Variants in C6 observed in about 807,000 individuals in gnomAD.
The protein encoded by C6 is complement C6, also known as complement component C6.
Under a neutral mutation model 112.9 loss-of-function variants are expected in C6, and 101 were observed. The ratio of observed to expected loss-of-function variants is 0.89; its 90% CI spans 0.76 to 1.06. The LOEUF is 1.06. Ranked by LOEUF, C6 falls within the 50% of genes least tolerant of loss-of-function variation. The pLI is 0.00. For missense variants in C6, 1,202 were observed against 1,104.6 expected, an observed-to-expected ratio of 1.09 and a Z score of -1.25; for synonymous variants, 431 against 384.1, an observed-to-expected ratio of 1.12 and a Z score of -1.43.
At position 41,176,508 on chromosome 5, in the gene C6, A is replaced by G. The variant is rs1748860047; in HGVS notation, c.1135T>C (p.Tyr379His). The G allele has an allele frequency of 1.9e-6, 3 of 1,613,692 alleles. No individual in the cohort carries two copies. Among genetic ancestry groups the G allele is most frequent in the African/African-American group, 1.3e-5 (1 of 74,920 alleles). Residue 379 changes from tyrosine to histidine, a missense_variant, in exon 8 of 18, where the codon TAT becomes CAT. By Grantham distance (83) the Tyr-to-His change is moderately conservative (BLOSUM62 2). Transcript: ENST00000337836. ...TTTAGTTCCTCACTGCTAAACTGAT[A>G]GAGAAGGTCATACACGCCTCCCAGG... ...GSLGGVYDLLYQFSSEELKNS... is the reference protein window; with the variant it reads ...GSLGGVYDLLHQFSSEELKNS...
At chr5:41,232,704 CTT>C in intron 1 of C6, among the ~76,000 whole-genome samples, 1 of 152,174 alleles carries the variant, frequency 6.6e-6, no homozygotes, top group Admixed American at 6.5e-5. Flanking sequence ...ATTACCCTCT[CTT>C]GATTAATTCC....
chr5:41,231,571 A>G (rs1739902198), intron 1 of C6, among the ~76,000 whole-genome samples: 1 of 152,008 alleles, frequency 6.6e-6, no homozygotes, highest in Non-Finnish European at 1.5e-5. Flanking sequence ...ACAACCATCT[A>G]GTTTGTTTTT....
Position 41,149,367 on chromosome 5 carries a change from G to A in C6, c.2497C>T (p.His833Tyr), listed in dbSNP as rs748527430. Residue 833 changes from histidine (H) to tyrosine (Y), a missense_variant, in exon 17 of 18, where the codon CAT (histidine) becomes TAT (tyrosine). His to Tyr is a moderately conservative substitution (Grantham distance 83). Transcript: ENST00000337836. ...CGGCCGTCTTGGCAGGAACCAATAT[G>A]TAGAAAATGGAGTTGCTGATTATTT... ...CLNNQQLHFLHIGSCQDGRQL... is the reference protein window; with the variant it reads ...CLNNQQLHFLYIGSCQDGRQL... The A allele has an allele frequency of 6.2e-7, 1 of 1,614,104 alleles. No homozygotes were observed. The highest frequency in any genetic ancestry group is 1.1e-5 in the South Asian group (1 of 91,080).
chr5:41,259,340 C>A (rs952412354), intron 1 of C6, among the ~76,000 whole-genome samples: 1 of 152,012 alleles, frequency 6.6e-6, no homozygotes, highest in Non-Finnish European at 1.5e-5. Context: ...ACTTTGCATT[C>A]CTTGGTGAAT....
chr5:41,179,093 A>G (rs1435871062), intron 7 of C6, among the ~76,000 whole-genome samples: 2 of 152,000 alleles, frequency 1.3e-5, no homozygotes, highest in African/African-American at 4.8e-5. Context: ...AGCTCAGGCA[A>G]TCTGCCCACC....
intron 1 of C6, among the ~76,000 whole-genome samples, chr5:41,227,457 G>A (rs1739592768): frequency 6.6e-6 from 1 of 151,960 alleles, no homozygotes; most frequent in Non-Finnish European, 1.5e-5. Flanking sequence ...TTTATAGTTG[G>A]ATGTAATCTC....
At chr5:41,172,442 C>A in intron 8 of C6, 95 bp from the exon 9 acceptor site, 2 of 1,205,286 alleles carry the variant, frequency 1.7e-6, no homozygotes, top group Non-Finnish European at 2.4e-6. Context: ...TCTACAGATA[C>A]TTTATATTAG....
Position 41,209,078 on chromosome 5 carries a change from A to G in C6, c.-21+4298T>C, listed in dbSNP as rs372086889. Among the ~76,000 whole-genome samples the G allele has an allele frequency of 4.6e-5, 7 of 152,360 alleles. No individual in the cohort carries two copies. The South Asian group carries it at 1.0e-3, about 23-fold the overall frequency. On this transcript the variant is annotated intron_variant, in intron 1 of 17. Transcript: ENST00000337836. The stretch of plus-strand genomic sequence containing the variant: ...AAGTCTGTTTAACTTACCCAAATCA[A>G]TAAATGTAATCCATCATAAAAACAG...
chr5:41,242,296 A>T (rs1740766695), intron 1 of C6, among the ~76,000 whole-genome samples: 1 of 152,088 alleles, frequency 6.6e-6, no homozygotes, highest in African/African-American at 2.4e-5. Context: ...AGATCTGATC[A>T]TCTTATAAGC....
At chr5:41,183,040 A>G (rs1749474665) in intron 6 of C6, among the ~76,000 whole-genome samples, 1 of 152,250 alleles carries the variant, frequency 6.6e-6, no homozygotes, top group Admixed American at 6.5e-5. Context: ...TTTAACAACT[A>G]GCTCTCTGGG....
At chr5:41,209,305 T>C (rs904460489) in intron 1 of C6, among the ~76,000 whole-genome samples, 2 of 152,206 alleles carry the variant, frequency 1.3e-5, no homozygotes, top group Non-Finnish European at 2.9e-5. Context: ...CTTTGAAAAC[T>C]GGCACAAGAC....
intron 1 of C6, among the ~76,000 whole-genome samples, chr5:41,249,239 C>T (rs1021566609): frequency 4.2e-4 from 64 of 151,988 alleles, no homozygotes; most frequent in African/African-American, 1.4e-3. Context: ...TCAATGGTAC[C>T]CCTTACCCAG....
rs559092360 is a variant in C6, at chr5:41,228,650, C to A, written c.-20-25400G>T. Among the ~76,000 whole-genome samples the A allele has an allele frequency of 3.9e-5, 6 of 152,228 alleles. 1 individual carries two copies. In the South Asian group the frequency reaches 1.2e-3, roughly 31 times the overall value. ...TCTTTATATGCCTAATTCATTGACA[C>A]TTTTTTATCATGAAAAGATGTTAAA... On this transcript the variant is annotated intron_variant, in intron 1 of 17. Transcript: ENST00000263413.
chr5:41,179,887 C>T (rs1037954722), intron 7 of C6, among the ~76,000 whole-genome samples: 3 of 151,762 alleles, frequency 2.0e-5, no homozygotes, highest in Admixed American at 6.6e-5. Context: ...ATAAGACAAA[C>T]AGATTTCAGT....
chr5:41,153,689 T>G, intron 15 of C6, 121 bp downstream of exon 15: 1 of 763,392 alleles, frequency 1.3e-6, no homozygotes, highest in Non-Finnish European at 2.3e-6. Flanking sequence ...ACCCACACTG[T>G]CTAAACTTGC....
intron 1 of C6, among the ~76,000 whole-genome samples, chr5:41,241,429 A>G (rs1740705581): frequency 6.6e-6 from 1 of 152,182 alleles, no homozygotes; most frequent in South Asian, 2.1e-4. Flanking sequence ...ATAGTAAAAC[A>G]TGTCCAAATA....
At chr5:41,192,772 G>A (rs992974833) in intron 5 of C6, among the ~76,000 whole-genome samples, 1 of 152,118 alleles carries the variant, frequency 6.6e-6, no homozygotes, top group Non-Finnish European at 1.5e-5. Flanking sequence ...GCAGACACAG[G>A]CTGCATATTG....
At chr5:41,169,298 T>C (rs1373625651) in intron 9 of C6, among the ~76,000 whole-genome samples, 1 of 152,042 alleles carries the variant, frequency 6.6e-6, no homozygotes, top group Non-Finnish European at 1.5e-5. Context: ...TGCATGTGCA[T>C]GTGTACATAC....
chr5:41,233,299 G>A (rs531934786), intron 1 of C6, among the ~76,000 whole-genome samples: 1 of 152,122 alleles, frequency 6.6e-6, no homozygotes, highest in Admixed American at 6.6e-5. Context: ...GGATCTTGTG[G>A]CACAAAAGAT....
Sources: allele counts gnomAD v4.1 joint callset (sites outside exome capture counted in the v4.1 genomes callset), GRCh38; gene constraint gnomAD v4.1.1; transcripts MANE v1.5; gene names NCBI Gene and HGNC (gene_info 2026-07-23, HGNC 2026-07-21).